TMEM108: variants seen among roughly 807,000 people sequenced by gnomAD.
TMEM108 encodes the protein cancer/testis antigen 124.
TMEM108 carries 12 observed loss-of-function variants against 35.1 expected under a neutral mutation model. The ratio of observed to expected loss-of-function variants is 0.34; its 90% CI spans 0.22 to 0.55. TMEM108 has a LOEUF of 0.55. Among genes scored for constraint, TMEM108 ranks in the 20% least tolerant of loss-of-function variants. The pLI, the probability that TMEM108 is intolerant of heterozygous loss-of-function variation, is 0.89. For missense variants in TMEM108, 680 were observed against 753.3 expected (o/e 0.90, Z 1.14); for synonymous variants, 287 against 308.6 (o/e 0.93, Z 0.73).
intron 2 of TMEM108, among the ~76,000 whole-genome samples, chr3:133,085,539 C>T (rs563173442): frequency 2.6e-5 from 4 of 152,204 alleles, no homozygotes; most frequent in South Asian, 2.1e-4. Context: ...TTACTGTGTA[C>T]TCAGGGGTTT....
intron 2 of TMEM108, among the ~76,000 whole-genome samples, chr3:133,080,450 C>T (rs10512885): frequency 0.14 from 21,507 of 152,146 alleles, 1,529 homozygotes; most frequent in East Asian, 0.18. Flanking sequence ...TGTTGGTTAC[C>T]TTTGGTCTTG....
intron 2 of TMEM108, among the ~76,000 whole-genome samples, chr3:133,084,944 C>T (rs1338756509): frequency 1.3e-5 from 2 of 152,154 alleles, no homozygotes; most frequent in African/African-American, 4.8e-5. Flanking sequence ...AGACTCTTTT[C>T]CAGGAACCTA....
intron 2 of TMEM108, among the ~76,000 whole-genome samples, chr3:133,057,421 T>G (rs1022062393): frequency 2.2e-4 from 23 of 105,482 alleles, no homozygotes; most frequent in Non-Finnish European, 4.2e-4. Context: ...GGGCTATTAG[T>G]TGTGTGTGTG....
At chr3:133,137,710 C>T (rs1944584593) in intron 2 of TMEM108, among the ~76,000 whole-genome samples, 1 of 152,088 alleles carries the variant, frequency 6.6e-6, no homozygotes. Context: ...AGGATTTGGT[C>T]CTTGTTTTTC....
intron 3 of TMEM108, among the ~76,000 whole-genome samples, chr3:133,348,759 A>G (rs1259442173): frequency 6.6e-6 from 1 of 152,174 alleles, no homozygotes; most frequent in Admixed American, 6.6e-5. Flanking sequence ...CAGTCCAAGA[A>G]ATTCGGGAAT....
At chr3:133,054,806 C>T (rs945929077) in intron 2 of TMEM108, among the ~76,000 whole-genome samples, 8 of 152,116 alleles carry the variant, frequency 5.3e-5, no homozygotes, top group South Asian at 2.1e-4. Context: ...ACAAACAGCC[C>T]GTCATTTCAA....
At chr3:133,052,559 T>C (rs1052422396) in intron 2 of TMEM108, among the ~76,000 whole-genome samples, 1 of 148,862 alleles carries the variant, frequency 6.7e-6, no homozygotes, top group Non-Finnish European at 1.5e-5. Flanking sequence ...AAAAAAAAAG[T>C]AGTGACAGTG....
intron 2 of TMEM108, among the ~76,000 whole-genome samples, chr3:133,056,597 A>G (rs914543211): frequency 1.3e-5 from 2 of 152,222 alleles, no homozygotes; most frequent in African/African-American, 4.8e-5. Context: ...TCAGAATTCC[A>G]GAGCTGGTCT....
chr3:133,152,821 C>T (rs1201146114), intron 2 of TMEM108, among the ~76,000 whole-genome samples: 1 of 152,090 alleles, frequency 6.6e-6, no homozygotes, highest in African/African-American at 2.4e-5. Context: ...TTTCTGCCAG[C>T]TCTTAAAATT....
At chr3:133,330,830 G>A (rs775749496) in intron 3 of TMEM108, among the ~76,000 whole-genome samples, 1 of 152,038 alleles carries the variant, frequency 6.6e-6, no homozygotes. Context: ...CAGGCTAAGA[G>A]GAAGAAAGGG....
intron 2 of TMEM108, among the ~76,000 whole-genome samples, chr3:133,055,688 T>C (rs1943457788): frequency 6.6e-6 from 1 of 152,182 alleles, no homozygotes; most frequent in Admixed American, 6.5e-5. Context: ...CACTGTTGAA[T>C]CTTTGCCTTC....
intron 2 of TMEM108, among the ~76,000 whole-genome samples, chr3:133,156,652 C>T (rs762304313): frequency 1.3e-5 from 2 of 152,162 alleles, no homozygotes; most frequent in Non-Finnish European, 2.9e-5. Context: ...AAGAACAATG[C>T]AGGATTCTTA....
At chr3:133,076,089 G>A (rs1559824740) in intron 2 of TMEM108, among the ~76,000 whole-genome samples, 2 of 152,154 alleles carry the variant, frequency 1.3e-5, no homozygotes, top group Non-Finnish European at 2.9e-5. Flanking sequence ...GGGTAAGGAG[G>A]AAGGCAGGAG....
intron 2 of TMEM108, among the ~76,000 whole-genome samples, chr3:133,114,319 T>C (rs562353134): frequency 3.5e-4 from 54 of 152,294 alleles, no homozygotes; most frequent in African/African-American, 1.2e-3. Context: ...AACCCTAGAA[T>C]CTATGGCAAG....
At chr3:133,122,390 TCTTG>T (rs1185996600) in intron 2 of TMEM108, among the ~76,000 whole-genome samples, 3 of 152,206 alleles carry the variant, frequency 2.0e-5, no homozygotes, top group African/African-American at 7.2e-5. Flanking sequence ...TTCTGTAGTT[TCTTG>T]CTTGCTGCTA....
In TMEM108 at chr3:133,236,661, G is replaced by T. The variant is rs868407880; in HGVS notation, c.40+7310G>T. On this transcript the variant is annotated intron_variant, in intron 3 of 5. Coordinates refer to ENST00000321871, the MANE Select transcript of TMEM108 (RefSeq NM_023943.4). Reference sequence around the variant, plus strand: ...CTTTAAAGTGAGAGAACTCTCTTTGGTGCCTTTTCAACTCTAACCATTCCT... The same window carrying T: ...CTTTAAAGTGAGAGAACTCTCTTTGTTGCCTTTTCAACTCTAACCATTCCT... Among the ~76,000 whole-genome samples, 6 of 152,212 alleles carry T rather than the reference G, an allele frequency of 3.9e-5. No individual in the cohort carries two copies. The South Asian group carries it at 6.2e-4, about 16-fold the overall frequency.
chr3:133,044,267 G>A (rs1177448783), intron 1 of TMEM108, among the ~76,000 whole-genome samples: 1 of 152,160 alleles, frequency 6.6e-6, no homozygotes, highest in African/African-American at 2.4e-5. Flanking sequence ...TTGGGGGCAT[G>A]ATTGATTTCT....
At chr3:133,245,192 T>C (rs1300022599) in intron 3 of TMEM108, among the ~76,000 whole-genome samples, 1 of 152,188 alleles carries the variant, frequency 6.6e-6, no homozygotes, top group African/African-American at 2.4e-5. Context: ...GAGGCCATCC[T>C]GAGTGGAGAA....
At chr3:133,352,987 C>A (rs1408294090) in intron 3 of TMEM108, among the ~76,000 whole-genome samples, 1 of 152,174 alleles carries the variant, frequency 6.6e-6, no homozygotes, top group African/African-American at 2.4e-5. Context: ...CATCTGGAGG[C>A]TTTCCAGGAG....
Sources: allele counts gnomAD v4.1 joint callset (sites outside exome capture counted in the v4.1 genomes callset), GRCh38; gene constraint gnomAD v4.1.1; transcripts MANE v1.5; gene names NCBI Gene and HGNC (gene_info 2026-07-23, HGNC 2026-07-21).